Variants in BCL2 observed in about 807,000 individuals in gnomAD.
BCL2 encodes BCL2 apoptosis regulator, also known as apoptosis regulator Bcl-2.
BCL2 carries 1 observed loss-of-function variant against 14.2 expected under a neutral mutation model. The observed-to-expected ratio is 0.07, with a 90% CI of 0.02 to 0.33. The LOEUF is 0.33. Among genes scored for constraint, BCL2 ranks in the 10% least tolerant of loss-of-function variants. BCL2 has a pLI of 0.99. For missense variants in BCL2, 247 were observed against 305.9 expected (o/e 0.81, Z 1.44); for synonymous variants, 151 against 137.2 (o/e 1.10, Z -0.70).
intron 2 of BCL2, chr18:63,314,662 C>T (rs1161714479): frequency 6.6e-6 from 1 of 152,180 alleles, no homozygotes; most frequent in Non-Finnish European, 1.5e-5. Flanking sequence ...AAACTCAATC[C>T]CTTGCCTGCA....
At chr18:63,228,319 A>C (rs893646267) in intron 2 of BCL2, among the ~76,000 whole-genome samples, 2 of 152,216 alleles carry the variant, frequency 1.3e-5, no homozygotes, top group African/African-American at 4.8e-5. Flanking sequence ...CATTCAGTTT[A>C]TATAAGCAAT....
chr18:63,157,787 C>T (rs1914820418), intron 2 of BCL2, among the ~76,000 whole-genome samples: 2 of 152,292 alleles, frequency 1.3e-5, no homozygotes, highest in East Asian at 3.9e-4. Flanking sequence ...TGCACCACTG[C>T]TCCCGCAGGA....
chr18:63,148,231 C>T (rs753731854), intron 2 of BCL2, among the ~76,000 whole-genome samples: 15 of 151,874 alleles, frequency 9.9e-5, no homozygotes, highest in Middle Eastern at 3.2e-3. Flanking sequence ...TATCCATTTT[C>T]TCTCTCTCTC....
chr18:63,138,646 C>G (rs1182729487), intron 2 of BCL2, among the ~76,000 whole-genome samples: 1 of 152,228 alleles, frequency 6.6e-6, no homozygotes, highest in Non-Finnish European at 1.5e-5. Context: ...GGGGGTTGAT[C>G]TTGGAGGAAC....
chr18:63,296,883 G>A (rs1446930889), intron 2 of BCL2, among the ~76,000 whole-genome samples: 2 of 152,214 alleles, frequency 1.3e-5, no homozygotes, highest in African/African-American at 4.8e-5. Flanking sequence ...TGCAATAAAT[G>A]GTTAGCAGTC....
chr18:63,304,812 G>A (rs981695040), intron 2 of BCL2, among the ~76,000 whole-genome samples: 2 of 152,156 alleles, frequency 1.3e-5, no homozygotes, highest in African/African-American at 2.4e-5. Context: ...GGGCACTTCC[G>A]ATTAAAGCTA....
At chr18:63,252,555 T>C (rs1437606697) in intron 2 of BCL2, among the ~76,000 whole-genome samples, 1 of 152,164 alleles carries the variant, frequency 6.6e-6, no homozygotes, top group Non-Finnish European at 1.5e-5. Flanking sequence ...CTCATGATAA[T>C]GAATGAGTCT....
chr18:63,216,773 T>C (rs1397718959), intron 2 of BCL2, among the ~76,000 whole-genome samples: 4 of 152,194 alleles, frequency 2.6e-5, no homozygotes, highest in Non-Finnish European at 4.4e-5. Context: ...AACACTGGGA[T>C]TTTGCACACC....
intron 2 of BCL2, among the ~76,000 whole-genome samples, chr18:63,229,307 A>G (rs1257037510): frequency 6.6e-6 from 1 of 152,240 alleles, no homozygotes; most frequent in Non-Finnish European, 1.5e-5. Context: ...TGTCAAAAAT[A>G]TGCAAGAAAA....
chr18:63,266,087 C>G lies in BCL2; in HGVS notation c.585+51995G>C, dbSNP rs75072847. Among the ~76,000 whole-genome samples the G allele has an allele frequency of 9.9e-4, 151 of 152,120 alleles. No homozygotes were observed. The East Asian group carries it at 0.014, about 14-fold the overall frequency. The stretch of plus-strand genomic sequence containing the variant: ...CAGGATTTTATCCTGCAGATCAACT[C>G]GTATGTGTGCAAAATGATGTCTGTA... On this transcript the variant is annotated intron_variant, in intron 2 of 2. Coordinates refer to ENST00000333681, the MANE Select transcript of BCL2 (RefSeq NM_000633.3).
intron 2 of BCL2, among the ~76,000 whole-genome samples, chr18:63,196,033 T>A (rs1256434369): frequency 6.6e-6 from 1 of 152,244 alleles, no homozygotes; most frequent in Non-Finnish European, 1.5e-5. Flanking sequence ...TACAGCGGAA[T>A]CAGCAGTTAA....
At chr18:63,317,584 G>C (rs1415746528) in intron 2 of BCL2, 2 of 991,120 alleles carry the variant, frequency 2.0e-6, no homozygotes, top group African/African-American at 3.5e-5. Flanking sequence ...TTGGTCTTCT[G>C]TGGAGTCTAT....
chr18:63,275,228 CT>C (rs1171637876), intron 2 of BCL2, among the ~76,000 whole-genome samples: 1 of 143,762 alleles, frequency 7.0e-6, no homozygotes, highest in Non-Finnish European at 1.5e-5. Flanking sequence ...GAGTCAGACC[CT>C]GTCTCAAAAA....
At chr18:63,161,869 T>G (rs1187653851) in intron 2 of BCL2, 1 of 152,222 alleles carries the variant, frequency 6.6e-6, no homozygotes, top group African/African-American at 2.4e-5. Flanking sequence ...CCAACCACTC[T>G]GGCTTTCAGA....
chr18:63,142,743 C>G (rs928872049), intron 2 of BCL2, among the ~76,000 whole-genome samples: 1 of 152,168 alleles, frequency 6.6e-6, no homozygotes, highest in African/African-American at 2.4e-5. Flanking sequence ...GGGGAGCTGA[C>G]GGATGGTGGT....
At chr18:63,302,828 G>C in intron 2 of BCL2, 2 of 985,246 alleles carry the variant, frequency 2.0e-6, no homozygotes, top group Non-Finnish European at 1.2e-6. Flanking sequence ...CCTTAGCCCT[G>C]CAAATAACAC....
intron 2 of BCL2, among the ~76,000 whole-genome samples, chr18:63,165,591 A>G (rs568190790): frequency 1.1e-3 from 175 of 152,330 alleles, no homozygotes; most frequent in Non-Finnish European, 2.1e-3. Flanking sequence ...AACCTCTCTC[A>G]GGCTAAATGG....
chr18:63,146,517 T>TTA (rs1914518107), intron 2 of BCL2, among the ~76,000 whole-genome samples: 1 of 152,264 alleles, frequency 6.6e-6, no homozygotes, highest in Non-Finnish European at 1.5e-5. Flanking sequence ...CAAGCCTCCT[T>TTA]TAACCCTTGA....
chr18:63,316,287 A>G (rs549393566), intron 2 of BCL2: 35 of 152,342 alleles, frequency 2.3e-4, no homozygotes, highest in African/African-American at 7.7e-4. Context: ...ATAGACAGAT[A>G]CCAGTTACCA....
Sources: allele counts gnomAD v4.1 joint callset (sites outside exome capture counted in the v4.1 genomes callset), GRCh38; gene constraint gnomAD v4.1.1; transcripts MANE v1.5; gene names NCBI Gene and HGNC (gene_info 2026-07-23, HGNC 2026-07-21).